EPHA6: variants seen among roughly 807,000 people sequenced by gnomAD.
EPHA6 encodes ephrin type-A receptor 6.
EPHA6 carries 50 observed loss-of-function variants against 112.0 expected under a neutral mutation model. The observed-to-expected ratio is 0.45, with a 90% CI of 0.36 to 0.56. The LOEUF (loss-of-function observed/expected upper bound fraction) is 0.56, where lower values mean the gene tolerates loss of function less well. Among genes scored for constraint, EPHA6 ranks in the 20% least tolerant of loss-of-function variants. The pLI is 0.00. For synonymous variants in EPHA6, 529 were observed against 490.7 expected (o/e 1.08, Z -1.03); for missense variants, 1,280 against 1,417.4 (o/e 0.90, Z 1.56).
intron 11 of EPHA6, among the ~76,000 whole-genome samples, chr3:97,539,153 C>CTTTT (rs796213678): frequency 9.5e-6 from 1 of 105,372 alleles, no homozygotes; most frequent in Non-Finnish European, 2.1e-5. Context: ...TTTCTTCTTT[C>CTTTT]TTTTTTTTTT....
chr3:96,923,584 T>G (rs2107635893), intron 2 of EPHA6, among the ~76,000 whole-genome samples: 1 of 152,330 alleles, frequency 6.6e-6, no homozygotes, highest in South Asian at 2.1e-4. Flanking sequence ...TCTTGTAGGT[T>G]GTGTGTTCAC....
rs375758461 is a variant in EPHA6, at chr3:97,655,624, G to A, written c.2784+17542G>A. On this transcript the variant is annotated intron_variant, in intron 14 of 17. Transcript: ENST00000389672. ...TGTCTTTGTAGCAGCATGATTTATA[G>A]TCCTTTGGGTATATACCCAGTAATG... is the stretch of plus-strand genomic sequence containing the variant. 2.2e-4 allele frequency among the ~76,000 whole-genome samples: 34 copies of A among 151,826 alleles called. No homozygotes were observed. The South Asian group carries it at 2.7e-3, about 12-fold the overall frequency.
chr3:97,410,358 C>T (rs1339152439), intron 6 of EPHA6, among the ~76,000 whole-genome samples: 1 of 151,972 alleles, frequency 6.6e-6, no homozygotes, highest in Non-Finnish European at 1.5e-5. Context: ...ATCTTTCCTT[C>T]TTATATGCTG....
intron 14 of EPHA6, among the ~76,000 whole-genome samples, chr3:97,712,617 A>AT (rs1387860716): frequency 6.6e-6 from 1 of 152,194 alleles, no homozygotes; most frequent in Non-Finnish European, 1.5e-5. Context: ...ACTTTTACAG[A>AT]TGTCCCCCAG....
chr3:97,413,304 G>A (rs368076384), intron 6 of EPHA6, among the ~76,000 whole-genome samples: 2 of 151,952 alleles, frequency 1.3e-5, no homozygotes, highest in South Asian at 4.2e-4. Context: ...ATGCGCCTGA[G>A]GAAAAAAGTA....
intron 11 of EPHA6, among the ~76,000 whole-genome samples, chr3:97,549,404 T>C (rs1024322510): frequency 2.6e-5 from 4 of 152,132 alleles, no homozygotes; most frequent in Non-Finnish European, 5.9e-5. Flanking sequence ...CACTGATAAT[T>C]GTTGCTCACC....
chr3:96,896,715 C>T (rs1002638278), intron 2 of EPHA6, among the ~76,000 whole-genome samples: 1 of 152,052 alleles, frequency 6.6e-6, no homozygotes, highest in African/African-American at 2.4e-5. Flanking sequence ...GAAGGAAGGG[C>T]CATCAAAGCA....
At chr3:97,179,717 G>GTCTCTCTATC (rs2076932765) in intron 3 of EPHA6, among the ~76,000 whole-genome samples, 1 of 119,110 alleles carries the variant, frequency 8.4e-6, no homozygotes, top group African/African-American at 3.8e-5. Context: ...AACCTACAGA[G>GTCTCTCTATC]TCTCTCTCTC....
chr3:97,275,775 G>A (rs2080053409), intron 5 of EPHA6, among the ~76,000 whole-genome samples: 1 of 150,816 alleles, frequency 6.6e-6, no homozygotes, highest in Admixed American at 6.6e-5. Context: ...ATGGTAAGGG[G>A]TGCATGATCG....
chr3:97,362,686 TGTG>T (rs2084440528), intron 5 of EPHA6, among the ~76,000 whole-genome samples: 1 of 152,056 alleles, frequency 6.6e-6, no homozygotes, highest in South Asian at 2.1e-4. Flanking sequence ...ATAAGTACCC[TGTG>T]GGTTAATTGA....
intron 2 of EPHA6, among the ~76,000 whole-genome samples, chr3:96,877,409 A>T (rs2037031560): frequency 6.6e-6 from 1 of 152,092 alleles, no homozygotes; most frequent in Non-Finnish European, 1.5e-5. Flanking sequence ...TTTAAGTAAT[A>T]CCTATCAAGA....
chr3:97,678,775 T>C (rs1402992448), intron 14 of EPHA6, among the ~76,000 whole-genome samples: 1 of 152,200 alleles, frequency 6.6e-6, no homozygotes, highest in African/African-American at 2.4e-5. Context: ...TACTTTTATA[T>C]GAATAATACA....
rs542488884 is a variant in EPHA6 at position 96,979,139 on chromosome 3, A to C, written c.451-8191A>C. ...TTTGTTACATATGTATATATGTGCC[A>C]TGTTTGTGTGCTGCACCCATTAACT... is the stretch of plus-strand genomic sequence containing the variant. On this transcript the variant is annotated intron_variant, in intron 2 of 17. Transcript: ENST00000389672. Among the ~76,000 whole-genome samples, 17 of 152,118 alleles carry C rather than the reference A, an allele frequency of 1.1e-4. 2 individuals are homozygous for C. The highest frequency in any genetic ancestry group is 3.9e-4 in the African/African-American group (16 of 41,500).
intron 2 of EPHA6, among the ~76,000 whole-genome samples, chr3:96,937,860 A>T (rs1223586549): frequency 6.6e-6 from 1 of 152,202 alleles, no homozygotes; most frequent in African/African-American, 2.4e-5. Context: ...TTTATTAAAT[A>T]GGGAATCCTT....
intron 5 of EPHA6, among the ~76,000 whole-genome samples, chr3:97,347,894 C>A (rs1423946644): frequency 2.0e-5 from 3 of 152,050 alleles, no homozygotes; most frequent in African/African-American, 7.2e-5. Flanking sequence ...ATCAACACAT[C>A]TTTAATTAAA....
Position 97,485,151 on chromosome 3 carries a change from G to A in EPHA6, c.2200+1092G>A, listed in dbSNP as rs367689996. ...TTTGGAAAGAGCAGAACAGATGCAA[G>A]CATGGCCATTCCAGCCAGGTGTCAT... is the stretch of plus-strand genomic sequence containing the variant. On this transcript the variant is annotated intron_variant, in intron 10 of 17. Transcript: ENST00000389672. Among the ~76,000 whole-genome samples, 49 of 152,286 alleles carry A rather than the reference G, an allele frequency of 3.2e-4. No individual in the cohort carries two copies. In the East Asian group the frequency reaches 7.5e-3, roughly 23 times the overall value.
intron 7 of EPHA6, among the ~76,000 whole-genome samples, chr3:97,462,500 C>T (rs2090923095): frequency 6.6e-6 from 1 of 152,124 alleles, no homozygotes; most frequent in Non-Finnish European, 1.5e-5. Flanking sequence ...ACTTATGTAT[C>T]ATAGCCACCT....
intron 14 of EPHA6, among the ~76,000 whole-genome samples, chr3:97,667,221 G>A (rs2030223516): frequency 6.6e-6 from 1 of 152,152 alleles, no homozygotes; most frequent in Non-Finnish European, 1.5e-5. Context: ...TAGCTGGCAA[G>A]TTATAGCAAA....
chr3:97,355,689 A>G (rs1210873737), intron 5 of EPHA6, among the ~76,000 whole-genome samples: 1 of 152,238 alleles, frequency 6.6e-6, no homozygotes, highest in Non-Finnish European at 1.5e-5. Context: ...ACCAATAACA[A>G]CATTGAAAGT....
Sources: gnomAD v4.1 joint callset for allele counts (sites outside exome capture counted in the v4.1 genomes callset) on GRCh38, gnomAD v4.1.1 for gene constraint, MANE v1.5 for transcripts, NCBI Gene and HGNC (gene_info 2026-07-23, HGNC 2026-07-21) for gene names.